LYRM4: variants seen among roughly 807,000 people sequenced by gnomAD.
LYRM4 encodes the protein LYR motif-containing protein 4.
A neutral mutation model predicts 11.7 loss-of-function variants in LYRM4; 9 were observed. That is an observed-to-expected ratio of 0.77 (90% confidence interval 0.46 to 1.34). The LOEUF (loss-of-function observed/expected upper bound fraction) is 1.34, where lower values mean the gene tolerates loss of function less well. LYRM4 is among the 40% of genes most tolerant of loss of function. LYRM4 has a pLI of 0.00. For synonymous variants in LYRM4, 42 were observed against 40.4 expected, an observed-to-expected ratio of 1.04 and a Z score of -0.15; for missense variants, 133 against 112.5, an observed-to-expected ratio of 1.18 and a Z score of -0.82.
At chr6:5,203,486 A>G (rs1272959463) in intron 2 of LYRM4, among the ~76,000 whole-genome samples, 1 of 151,982 alleles carries the variant, frequency 6.6e-6, no homozygotes, top group Middle Eastern at 3.2e-3. Flanking sequence ...CCTCCATGAG[A>G]TTTTTCCTGA....
intron 1 of LYRM4, among the ~76,000 whole-genome samples, chr6:5,223,529 T>C (rs566107414): frequency 7.9e-5 from 12 of 152,298 alleles, no homozygotes; most frequent in Middle Eastern, 3.4e-3. Context: ...TGTTAAGTAC[T>C]TGGTATAAAG....
chr6:5,207,134 C>A (rs1381100759), intron 2 of LYRM4, among the ~76,000 whole-genome samples: 3 of 152,214 alleles, frequency 2.0e-5, no homozygotes, highest in Non-Finnish European at 4.4e-5. Context: ...AACCTCTTCT[C>A]TTACTCACCA....
At chr6:5,251,448 T>C (rs1328522659) in intron 1 of LYRM4, among the ~76,000 whole-genome samples, 1 of 152,146 alleles carries the variant, frequency 6.6e-6, no homozygotes, top group East Asian at 1.9e-4. Context: ...GCTCAGCTTT[T>C]GGGGAGGCCT....
chr6:5,061,693 G>C, the LYRM4 span, among the ~76,000 whole-genome samples: 2 of 152,138 alleles, frequency 1.3e-5, no homozygotes, highest in African/African-American at 4.8e-5. Flanking sequence ...AATCCCCAGA[G>C]ACTCTGGCAA....
chr6:5,207,585 G>A (rs1346277630), intron 2 of LYRM4, among the ~76,000 whole-genome samples: 1 of 152,162 alleles, frequency 6.6e-6, no homozygotes, highest in Non-Finnish European at 1.5e-5. Flanking sequence ...AAGCAGTGAG[G>A]CATCAAAAAG....
intron 2 of LYRM4, among the ~76,000 whole-genome samples, chr6:5,159,464 G>A (rs1461244955): frequency 1.3e-5 from 2 of 152,192 alleles, no homozygotes; most frequent in East Asian, 1.9e-4. Flanking sequence ...GGATGGAAAG[G>A]ACTTATTTTA....
At chr6:5,069,295 A>C in the LYRM4 span, among the ~76,000 whole-genome samples, 1 of 152,092 alleles carries the variant, frequency 6.6e-6, no homozygotes, top group Non-Finnish European at 1.5e-5. Flanking sequence ...GTACTCTATT[A>C]GAAATTAAAA....
intron 2 of LYRM4, among the ~76,000 whole-genome samples, chr6:5,179,735 A>C (rs1277716437): frequency 6.6e-6 from 1 of 152,250 alleles, no homozygotes; most frequent in African/African-American, 2.4e-5. Context: ...ATAGGTGTAC[A>C]GAGACCTAAT....
rs186322431 is a variant in LYRM4 at position 5,144,359 on chromosome 6, C to T, written c.208-34868G>A. The T allele has an allele frequency of 2.6e-4, 370 of 1,399,910 alleles. No homozygotes were observed. The African/African-American group carries it at 4.3e-3, about 16-fold the overall frequency. The allele number at this position is 1,399,910 out of a possible 1,614,324, so 86.7% of individuals were successfully genotyped here. A position where few individuals can be genotyped will look rare whatever the true frequency, so the allele number is the denominator to read the frequency against. The stretch of plus-strand genomic sequence containing the variant: ...GTGTAAGAAATATGTCAGGTGAGGC[C>T]GGGTGCGGTGGCTGAAGCCTGTAAT... On this transcript the variant is annotated intron_variant, in intron 2 of 2. Coordinates refer to ENST00000330636, the MANE Select transcript of LYRM4 (RefSeq NM_020408.6).
intron 2 of LYRM4, among the ~76,000 whole-genome samples, chr6:5,178,479 TA>T (rs1299485032): frequency 6.7e-6 from 1 of 148,564 alleles, no homozygotes; most frequent in Non-Finnish European, 1.5e-5. Flanking sequence ...CTTCTAAAAG[TA>T]AACTACTTTC....
At chr6:5,225,248 A>C (rs1326532225) in intron 1 of LYRM4, among the ~76,000 whole-genome samples, 1 of 71,746 alleles carries the variant, frequency 1.4e-5, no homozygotes, top group Non-Finnish European at 3.3e-5. Context: ...ACTCCGAATC[A>C]AAAAAAAAAA....
At chr6:5,157,503 T>C (rs1393698168) in intron 2 of LYRM4, among the ~76,000 whole-genome samples, 1 of 147,478 alleles carries the variant, frequency 6.8e-6, no homozygotes, top group Non-Finnish European at 1.5e-5. Flanking sequence ...CTAAACAGTA[T>C]CTAAAACTAA....
At position 5,109,169 on chromosome 6, in the gene LYRM4, G is replaced by C; in HGVS notation, c.*254C>G. On this transcript the variant is annotated 3_prime_UTR_variant, in exon 3 of 3. Transcript: ENST00000330636. ...AGCTACAAGGTAGGAATGGGGTGCA[G>C]GGGAGACGTGGTAACACACAGCACT... 1 of 1,343,404 alleles carries C rather than the reference G, an allele frequency of 7.4e-7. No homozygotes were observed. Among genetic ancestry groups the C allele is most frequent in the Non-Finnish European group, 9.6e-7 (1 of 1,043,400 alleles). 83.2% of individuals were successfully genotyped at this position (1,343,404 alleles called of 1,614,324 possible).
At chr6:5,066,260 G>A in the LYRM4 span, 6 of 720,368 alleles carry the variant, frequency 8.3e-6, no homozygotes, top group East Asian at 2.9e-5. Context: ...TCTGGATTTC[G>A]GGGATCTGCC....
At chr6:5,066,020 G>T in the LYRM4 span, 2 of 349,178 alleles carry the variant, frequency 5.7e-6, no homozygotes, top group Non-Finnish European at 1.1e-5. Context: ...TTTCACATGT[G>T]AAAAAATATA....
At chr6:5,068,745 G>C in the LYRM4 span, among the ~76,000 whole-genome samples, 2 of 151,998 alleles carry the variant, frequency 1.3e-5, no homozygotes, top group Admixed American at 1.3e-4. The surrounding 1 kb of genome is among the most constrained non-coding windows in gnomAD (Gnocchi z 4.0). Flanking sequence ...TAACAAACCT[G>C]CACGTTGTGC....
chr6:5,066,689 T>C, the LYRM4 span: 1 of 953,186 alleles, frequency 1.0e-6, no homozygotes, highest in Non-Finnish European at 1.7e-6. Flanking sequence ...ACTGCAGCAA[T>C]AGGTGTGGAG....
At chr6:5,086,091 G>C in the LYRM4 span, 2 of 1,454,696 alleles carry the variant, frequency 1.4e-6, no homozygotes, top group Non-Finnish European at 1.8e-6. Context: ...CGCTCTTCCA[G>C]CTCCCGGGGC....
chr6:5,061,928 C>G, the LYRM4 span, among the ~76,000 whole-genome samples: 7 of 152,254 alleles, frequency 4.6e-5, no homozygotes, highest in Non-Finnish European at 7.4e-5. Flanking sequence ...GTGTGCATTG[C>G]TCAACTTTTT....
Sources: allele counts gnomAD v4.1 joint callset (sites outside exome capture counted in the v4.1 genomes callset), GRCh38; gene constraint gnomAD v4.1.1; non-coding constraint Gnocchi (gnomAD v3.1); transcripts MANE v1.5; gene names NCBI Gene and HGNC (gene_info 2026-07-23, HGNC 2026-07-21).